CPB2: variants seen among roughly 807,000 people sequenced by gnomAD.
The protein encoded by CPB2 is carboxypeptidase B2.
CPB2 carries 54 observed loss-of-function variants against 57.0 expected under a neutral mutation model. The observed-to-expected ratio is 0.95, with a 90% CI of 0.76 to 1.19. The LOEUF is 1.19. Ranked by LOEUF, CPB2 falls within the 50% of genes most tolerant of loss-of-function variation. CPB2 has a pLI of 0.00. For missense variants in CPB2, 426 were observed against 512.0 expected (o/e 0.83, Z 1.62); for synonymous variants, 189 against 178.1 (o/e 1.06, Z -0.49).
At chr13:46,059,577 TATCATCATC>T (rs10571812) in intron 8 of CPB2, among the ~76,000 whole-genome samples, 61,140 of 149,860 alleles carry the variant, frequency 0.41, 12,616 homozygotes, top group East Asian at 0.53. Flanking sequence ...TGTTGCTGTT[TATCATCATC>T]ATCATCATCA....
chr13:46,093,374 T>G (rs763045386), intron 1 of CPB2, among the ~76,000 whole-genome samples: 9 of 152,222 alleles, frequency 5.9e-5, no homozygotes, highest in Admixed American at 5.9e-4. Context: ...AAGTTTAGCA[T>G]AAACTATTAA....
At chr13:46,104,810 G>T in intron 1 of CPB2, 126 bp downstream of exon 1, 2 of 1,068,888 alleles carry the variant, frequency 1.9e-6, no homozygotes, top group Non-Finnish European at 2.7e-6. Flanking sequence ...AACTTGGAAA[G>T]TTCTGAAAGA....
At chr13:46,060,654 A>T (rs909959415) in intron 8 of CPB2, among the ~76,000 whole-genome samples, 2 of 152,148 alleles carry the variant, frequency 1.3e-5, no homozygotes, top group African/African-American at 4.8e-5. Context: ...CTCAATTCAG[A>T]CAAGCTACAT....
chr13:46,065,626 CAAAAAAAAAAAAA>C (rs397851865), intron 7 of CPB2, among the ~76,000 whole-genome samples: 1 of 62,010 alleles, frequency 1.6e-5, no homozygotes. Context: ...GACTCCGTCT[CAAAAAAAAAAAAA>C]AAAAAAAAAA....
intron 8 of CPB2, among the ~76,000 whole-genome samples, chr13:46,061,048 A>T (rs2044765785): frequency 6.6e-6 from 1 of 152,124 alleles, no homozygotes; most frequent in African/African-American, 2.4e-5. Flanking sequence ...GGATGAGGAG[A>T]TATTGCCTAC....
chr13:46,096,320 C>G (rs2045365820), intron 1 of CPB2: 1 of 152,912 alleles, frequency 6.5e-6, no homozygotes, highest in Non-Finnish European at 1.5e-5. Flanking sequence ...CCAGCCTCCT[C>G]CAGCCCTCTC....
chr13:46,071,278 C>G (rs533610675), intron 6 of CPB2, among the ~76,000 whole-genome samples: 1 of 151,658 alleles, frequency 6.6e-6, no homozygotes, highest in Non-Finnish European at 1.5e-5. Context: ...TAGAAATATG[C>G]TAAGGTTGAA....
At chr13:46,060,850 A>G (rs2044762343) in intron 8 of CPB2, among the ~76,000 whole-genome samples, 1 of 152,104 alleles carries the variant, frequency 6.6e-6, no homozygotes, top group Admixed American at 6.5e-5. Flanking sequence ...TTGGGCAACT[A>G]CTTCATCGTC....
intron 8 of CPB2, among the ~76,000 whole-genome samples, chr13:46,061,345 C>A (rs1264777512): frequency 1.3e-5 from 2 of 152,158 alleles, no homozygotes; most frequent in Non-Finnish European, 2.9e-5. Flanking sequence ...AAGTTTGAGA[C>A]CAAAGGTTCT....
chr13:46,085,191 C>G (rs750169052), intron 2 of CPB2, among the ~76,000 whole-genome samples: 1 of 152,140 alleles, frequency 6.6e-6, no homozygotes, highest in Non-Finnish European at 1.5e-5. Context: ...ATATTTATAA[C>G]GCTTTGATAT....
intron 5 of CPB2, among the ~76,000 whole-genome samples, chr13:46,074,694 A>C (rs189079957): frequency 6.6e-6 from 1 of 152,288 alleles, no homozygotes; most frequent in East Asian, 1.9e-4. Context: ...GGTATAGAGC[A>C]GTGGTCCCCA....
chr13:46,075,655 A>G (rs1215354411), intron 5 of CPB2, among the ~76,000 whole-genome samples: 1 of 152,240 alleles, frequency 6.6e-6, no homozygotes, highest in East Asian at 1.9e-4. Flanking sequence ...TAAACGACAG[A>G]TTAAAATTGA....
chr13:46,061,220 T>G (rs2044768311), intron 8 of CPB2, among the ~76,000 whole-genome samples: 1 of 152,202 alleles, frequency 6.6e-6, no homozygotes, highest in African/African-American at 2.4e-5. Context: ...AAAAATAATT[T>G]TAAAAAACAC....
intron 1 of CPB2, among the ~76,000 whole-genome samples, chr13:46,093,217 T>C (rs2045318991): frequency 6.6e-6 from 1 of 152,166 alleles, no homozygotes; most frequent in African/African-American, 2.4e-5. Flanking sequence ...CCACCAAGGA[T>C]AACTTTAACA....
intron 3 of CPB2, 141 bp downstream of exon 3, chr13:46,084,078 G>T: frequency 1.0e-6 from 1 of 974,454 alleles, no homozygotes; most frequent in Non-Finnish European, 1.5e-6. Context: ...TTTATCACCA[G>T]TCCATTTGGT....
At chr13:46,077,595 A>T (rs1342142687) in intron 5 of CPB2, among the ~76,000 whole-genome samples, 1 of 152,228 alleles carries the variant, frequency 6.6e-6, no homozygotes, top group African/African-American at 2.4e-5. Context: ...AAAGAAAGGA[A>T]ATCAGTATAT....
intron 1 of CPB2, among the ~76,000 whole-genome samples, chr13:46,092,032 C>T (rs555932473): frequency 6.6e-6 from 1 of 151,962 alleles, no homozygotes; most frequent in African/African-American, 2.4e-5. Context: ...AGCTCTGAGC[C>T]CCCCCTTTTT....
At chr13:46,081,595 C>G (rs752168453) in intron 4 of CPB2, among the ~76,000 whole-genome samples, 4 of 152,170 alleles carry the variant, frequency 2.6e-5, no homozygotes, top group Non-Finnish European at 5.9e-5. Flanking sequence ...AGATTATATA[C>G]ATAAAATTGA....
chr13:46,079,001 G>T, intron 4 of CPB2, 100 bp from the exon 5 acceptor site: 1 of 723,666 alleles, frequency 1.4e-6, no homozygotes, highest in Non-Finnish European at 2.4e-6. Context: ...GAAAACCTCT[G>T]TATGTGGAAT....
Sources: allele counts gnomAD v4.1 joint callset (sites outside exome capture counted in the v4.1 genomes callset), GRCh38; gene constraint gnomAD v4.1.1; transcripts MANE v1.5; gene names NCBI Gene and HGNC (gene_info 2026-07-23, HGNC 2026-07-21).